Variants in R3HDM4 observed in about 807,000 individuals in gnomAD.
R3HDM4 encodes R3H domain containing 4, also known as R3H domain-containing protein 4.
In R3HDM4, 30 loss-of-function variants were observed where a neutral mutation model predicts 31.3. The ratio of observed to expected loss-of-function variants is 0.96; its 90% CI spans 0.72 to 1.30. R3HDM4 has a LOEUF of 1.30. Among genes scored for constraint, R3HDM4 ranks in the 50% most tolerant of loss-of-function variants. The pLI, the probability that R3HDM4 is intolerant of heterozygous loss-of-function variation, is 0.00. For missense variants in R3HDM4, 444 were observed against 366.1 expected (o/e 1.21, Z -1.74); for synonymous variants, 196 against 156.6 (o/e 1.25, Z -1.88).
rs2036920036 is a variant in R3HDM4 at position 907,374 on chromosome 19, C to G, written c.72-5244G>C. ...ACAGCCCCCCCTGAGGCCCCGGGGC[C>G]TACTTCTCCACCCCAGCAGCTGGAC... On this transcript the variant is annotated intron_variant, in intron 1 of 7. Transcript: ENST00000361574. This position sits in a 1 kb window ranked among gnomAD's most constrained non-coding sequence, Gnocchi z 4.1. Among the ~76,000 whole-genome samples, 5 of 152,206 alleles carry G rather than the reference C, an allele frequency of 3.3e-5. No homozygotes were observed. The South Asian group carries it at 1.0e-3, about 31-fold the overall frequency.
Position 901,545 on chromosome 19 carries a change from G to A in R3HDM4, c.228C>T (p.Thr76=), listed in dbSNP as rs766027480. The change falls in exon 3 of 8, where the codon ACC becomes ACT. Residue 76 remains threonine (T), a splice_region_variant and synonymous_variant. Coordinates refer to ENST00000361574, the MANE Select transcript of R3HDM4 (RefSeq NM_138774.4). ...GRKSLQRLEN[T]QYLLTLLETD... ...TCTCCAGCAGGGTCAGGAGGTACTG[G>A]GCTAGGTGGAAACAGATGCTCTCTG... 6.2e-7 allele frequency: 1 copy of A among 1,603,142 alleles called. No homozygotes were observed. The highest frequency in any genetic ancestry group is 1.3e-5 in the African/African-American group (1 of 74,844).
At position 899,832 on chromosome 19, in the gene R3HDM4, C is replaced by T; in HGVS notation, c.562-146G>A. 1 of 756,788 alleles carries T rather than the reference C, an allele frequency of 1.3e-6. No individual in the cohort carries two copies. The highest frequency in any genetic ancestry group is 2.1e-6 in the Non-Finnish European group (1 of 471,896). 46.9% of individuals were successfully genotyped at this position (756,788 alleles called of 1,614,324 possible). Reference sequence around the variant, plus strand: ...GAGGCTGCTTAAGTGTCTCTGAGGCCACCATGCCACCTCCTGCCTGTGCCT... The same window carrying T: ...GAGGCTGCTTAAGTGTCTCTGAGGCTACCATGCCACCTCCTGCCTGTGCCT... On this transcript the variant is annotated intron_variant, in intron 5 of 7. Coordinates refer to ENST00000361574, the MANE Select transcript of R3HDM4 (RefSeq NM_138774.4). The surrounding 1 kb of genome is among the most constrained non-coding windows in gnomAD (Gnocchi z 6.8).
chr19:911,014 G>A (rs536720180), intron 1 of R3HDM4, among the ~76,000 whole-genome samples: 2 of 151,994 alleles, frequency 1.3e-5, no homozygotes, highest in East Asian at 1.9e-4. Context: ...CCAGCTACTC[G>A]GGAGGCTGAG....
Position 899,750 on chromosome 19 carries a change from C to T in R3HDM4, c.562-64G>A. On this transcript the variant is annotated intron_variant, in intron 5 of 7. Coordinates refer to ENST00000361574, the MANE Select transcript of R3HDM4 (RefSeq NM_138774.4). The surrounding 1 kb of genome is among the most constrained non-coding windows in gnomAD (Gnocchi z 6.8). ...CTGTGGGTGGGGGGCCAGGGAGGTCCAGGGCCCCCAGGAGCCCACAGCGCT... is the reference window on the plus strand; with the variant it reads ...CTGTGGGTGGGGGGCCAGGGAGGTCTAGGGCCCCCAGGAGCCCACAGCGCT... The T allele has an allele frequency of 7.6e-7, 1 of 1,321,722 alleles. No homozygotes were observed. Among genetic ancestry groups the T allele is most frequent in the East Asian group, 2.5e-5 (1 of 40,416 alleles). The allele number at this position is 1,321,722 out of a possible 1,614,324, so 81.9% of individuals were successfully genotyped here.
chr19:898,901 C>T (rs565984983), intron 7 of R3HDM4, among the ~76,000 whole-genome samples: 5 of 152,264 alleles, frequency 3.3e-5, no homozygotes, highest in East Asian at 3.9e-4. Context: ...CCAGGCGGGG[C>T]GGCAGAGACA....
In R3HDM4 at chr19:902,082, T is replaced by C; in HGVS notation, c.120A>G (p.Arg40=). 6.2e-7 allele frequency: 1 copy of C among 1,613,470 alleles called. No individual in the cohort carries two copies. Among genetic ancestry groups the C allele is most frequent in the Non-Finnish European group, 8.5e-7 (1 of 1,179,916 alleles). Residue 40 remains arginine (R), a synonymous_variant, in exon 2 of 8, where the codon AGA becomes AGG. Coordinates refer to ENST00000361574, the MANE Select transcript of R3HDM4 (RefSeq NM_138774.4). ...LPALASSQVK[R]LSASRRKQHF... is the part of the protein sequence containing the mutation. The stretch of plus-strand genomic sequence containing the variant: ...GCTGTTTCCGCCTGGAAGCCGAGAG[T>C]CTCTTCACCTGGGAGCTGGCTAGGG...
chr19:898,208 CCT>C (rs1382528057), intron 7 of R3HDM4, among the ~76,000 whole-genome samples: 1 of 125,658 alleles, frequency 8.0e-6, no homozygotes, highest in Non-Finnish European at 1.7e-5. Flanking sequence ...ACAGTGAAAC[CCT>C]GTCTCTACTA....
rs377255982 is a variant in R3HDM4, at chr19:897,499, G to A, written c.745C>T (p.Arg249Trp). The A allele has an allele frequency of 1.1e-5, 17 of 1,613,006 alleles. No homozygotes were observed. The highest frequency in any genetic ancestry group is 1.4e-5 in the Non-Finnish European group (16 of 1,179,754). ...EGKRQMKVSN[R>W]HLDFLPPGLL... ...CCCGGCGGCAGGAAATCCAGGTGCC[G>A]ATTACTGACCTTCATCTGCCGCTTC... is the stretch of plus-strand genomic sequence containing the variant. The change falls in exon 8 of 8, where the codon CGG becomes TGG. Residue 249 changes from arginine (R) to tryptophan (W), a missense_variant. Transcript: ENST00000361574.
intron 1 of R3HDM4, among the ~76,000 whole-genome samples, chr19:911,672 G>A (rs1599364950): frequency 6.6e-6 from 1 of 152,136 alleles, no homozygotes; most frequent in Non-Finnish European, 1.5e-5. Flanking sequence ...GGCAGGAACG[G>A]AACACGCGCC....
At position 900,893 on chromosome 19, in the gene R3HDM4, C is replaced by T. The variant is rs144607720; in HGVS notation, c.411G>A (p.Leu137=). ...GEEQERVLRY[L]EDEGRSKARR... is the part of the protein sequence containing the mutation. ...GCGCCTTGCTCCTGCCCTCATCCTC[C>T]AGGTAGCGAAGAACCCGCTCCTGCT... is the stretch of plus-strand genomic sequence containing the variant. The change falls in exon 4 of 8, where the codon CTG becomes CTA. Residue 137 remains leucine, a synonymous_variant. Transcript: ENST00000361574. 4.4e-6 allele frequency: 7 copies of T among 1,601,724 alleles called. No individual in the cohort carries two copies. In the African/African-American group the frequency reaches 9.4e-5, roughly 22 times the overall value.
At chr19:905,900 A>T (rs2036897907) in intron 1 of R3HDM4, among the ~76,000 whole-genome samples, 1 of 152,138 alleles carries the variant, frequency 6.6e-6, no homozygotes, top group Admixed American at 6.6e-5. Flanking sequence ...AGGTGCTCAG[A>T]ACTCAATGGC....
At chr19:910,857 C>A (rs1266444602) in intron 1 of R3HDM4, among the ~76,000 whole-genome samples, 2 of 152,108 alleles carry the variant, frequency 1.3e-5, no homozygotes, top group East Asian at 3.9e-4. Context: ...CGGTGGCTCA[C>A]GCCTGTAATC....
Position 900,919 on chromosome 19 carries a change from C to A in R3HDM4, c.385G>T (p.Glu129Ter). The A allele has an allele frequency of 1.2e-6, 2 of 1,609,486 alleles. No homozygotes were observed. The highest frequency in any genetic ancestry group is 1.1e-5 in the South Asian group (1 of 90,720). Reference protein sequence around the residue: ...WNDFMNRSGEEQERVLRYLED... With the variant: ...WNDFMNRSGE ...AGGTAGCGAAGAACCCGCTCCTGCT[C>A]CTCCCCGGAGCGGTTCATGAAATCG... The change falls in exon 4 of 8, where the codon GAG becomes TAG. Residue 129 changes from glutamate (E) to a stop codon, truncating the protein, a stop_gained. Coordinates refer to ENST00000361574, the MANE Select transcript of R3HDM4 (RefSeq NM_138774.4). LOFTEE classifies it high-confidence loss of function.
At position 899,459 on chromosome 19, in the gene R3HDM4, G is replaced by C; in HGVS notation, c.684C>G (p.Tyr228Ter). The C allele has an allele frequency of 6.2e-7, 1 of 1,613,694 alleles. No individual in the cohort carries two copies. Among genetic ancestry groups the C allele is most frequent in the Non-Finnish European group, 8.5e-7 (1 of 1,179,958 alleles). Reference sequence around the variant, plus strand: ...ACTTACTGGCCGAGATGAGGTCCATGTACTGGCAGACAGCGTGCAGCAGAA... The same window carrying C: ...ACTTACTGGCCGAGATGAGGTCCATCTACTGGCAGACAGCGTGCAGCAGAA... ...ERLLLHAVCQ[Y>*]MDLISASADL... The change falls in exon 7 of 8, where the codon TAC (tyrosine) becomes TAG (stop). Residue 228 changes from tyrosine to a stop codon, truncating the protein, a stop_gained. Transcript: ENST00000361574. LOFTEE classifies it high-confidence loss of function. The surrounding 1 kb of genome is among the most constrained non-coding windows in gnomAD (Gnocchi z 6.8).
At chr19:906,926 C>T (rs751718299) in intron 1 of R3HDM4, among the ~76,000 whole-genome samples, 6 of 152,154 alleles carry the variant, frequency 3.9e-5, no homozygotes, top group Non-Finnish European at 5.9e-5. Context: ...ACCGAGTCTC[C>T]TGCCTCAGCC....
At chr19:905,684 CAAA>C (rs35211343) in intron 1 of R3HDM4, among the ~76,000 whole-genome samples, 4 of 66,300 alleles carry the variant, frequency 6.0e-5, no homozygotes, top group Admixed American at 1.8e-4. Context: ...GACTCTGTCT[CAAA>C]AAAAAAAAAA....
At position 898,335 on chromosome 19, in the gene R3HDM4, G is replaced by A. The variant is rs539999413; in HGVS notation, c.704-795C>T. ...CAGGAGAATGGCGTGAACCCGGGAG[G>A]TGGAGCTTGCAGTGAGCTGAGATCG... On this transcript the variant is annotated intron_variant, in intron 7 of 7. Transcript: ENST00000361574. Among the ~76,000 whole-genome samples the A allele has an allele frequency of 1.0e-4, 15 of 148,888 alleles. No homozygotes were observed. The South Asian group carries it at 1.7e-3, about 17-fold the overall frequency.
In R3HDM4 at chr19:913,059, C is replaced by CCGCCG; in HGVS notation, c.71+23_71+27dup. ...AGGGAGCCCAGCCCGCCCCCGGCGCCCGCCGCGCCCCGCCCGCCCGCGCTC... is the reference window on the plus strand; with the variant it reads ...AGGGAGCCCAGCCCGCCCCCGGCGCCCGCCGCGCCGCGCCCCGCCCGCCCGCGCTC... On this transcript the variant is annotated intron_variant, in intron 1 of 7. Transcript: ENST00000361574. The surrounding 1 kb of genome is among the most constrained non-coding windows in gnomAD (Gnocchi z 5.0). The CCGCCG allele has an allele frequency of 2.0e-6, 2 of 987,570 alleles. No homozygotes were observed. The highest frequency in any genetic ancestry group is 1.2e-6 in the Non-Finnish European group (1 of 820,084). 61.2% of individuals were successfully genotyped at this position (987,570 alleles called of 1,614,324 possible). A position where few individuals can be genotyped will look rare whatever the true frequency, so the allele number is the denominator to read the frequency against.
intron 4 of R3HDM4, 128 bp from the exon 5 acceptor site, chr19:900,274 C>T (rs2036810082): frequency 3.0e-6 from 2 of 661,564 alleles, no homozygotes; most frequent in African/African-American, 1.9e-5. Flanking sequence ...CACCAAACCA[C>T]ACCTTCAACG....
Sources: allele counts gnomAD v4.1 joint callset (sites outside exome capture counted in the v4.1 genomes callset), GRCh38; gene constraint gnomAD v4.1.1; non-coding constraint Gnocchi (gnomAD v3.1); transcripts MANE v1.5; gene names NCBI Gene and HGNC (gene_info 2026-07-23, HGNC 2026-07-21).